Variants in BRAF observed in about 807,000 individuals in gnomAD.
The protein encoded by BRAF is B-Raf proto-oncogene, serine/threonine kinase, also known as serine/threonine-protein kinase B-raf.
In BRAF, 16 loss-of-function variants were observed where a neutral mutation model predicts 104.6. The ratio of observed to expected loss-of-function variants is 0.15; its 90% CI spans 0.10 to 0.23. BRAF has a LOEUF of 0.23. Among genes scored for constraint, BRAF ranks in the 10% least tolerant of loss-of-function variants. BRAF has a pLI of 1.00. For synonymous variants in BRAF, 310 were observed against 341.6 expected (o/e 0.91, Z 1.02); for missense variants, 541 against 937.3 (o/e 0.58, Z 5.52).
At chr7:140,733,400 T>C (rs1006771858) in intron 19 of BRAF, 4 of 152,222 alleles carry the variant, frequency 2.6e-5, no homozygotes, top group Non-Finnish European at 5.9e-5. Flanking sequence ...AGGCTGACAG[T>C]GAAGCAGAGA....
At chr7:140,824,340 G>A (rs137857022) in intron 3 of BRAF, 1 of 152,128 alleles carries the variant, frequency 6.6e-6, no homozygotes, top group African/African-American at 2.4e-5. Flanking sequence ...TATAAGGGAA[G>A]GGTACCACTT....
chr7:140,893,192 T>C (rs1225333404), intron 1 of BRAF, among the ~76,000 whole-genome samples: 1 of 151,668 alleles, frequency 6.6e-6, no homozygotes, highest in African/African-American at 2.4e-5. Flanking sequence ...TGAGACAAGA[T>C]GTCTGAGAAA....
intron 19 of BRAF, among the ~76,000 whole-genome samples, chr7:140,729,741 G>C (rs1795830598): frequency 6.6e-6 from 1 of 152,116 alleles, no homozygotes; most frequent in Non-Finnish European, 1.5e-5. Context: ...TCACACCACT[G>C]CACTCCAGCC....
At position 140,725,220 on chromosome 7, in the gene BRAF, G is replaced by A. The variant is rs1795533632; in HGVS notation, c.*1274C>T. On this transcript the variant is annotated 3_prime_UTR_variant, in exon 20 of 20. Transcript: ENST00000644969. ...AAAGAAGATGTGGGATATAGTGTTAGGAATCAGTTGGAAGAAACAATGAGA... is the reference window on the plus strand; with the variant it reads ...AAAGAAGATGTGGGATATAGTGTTAAGAATCAGTTGGAAGAAACAATGAGA... 6 of 1,043,268 alleles carry A rather than the reference G, an allele frequency of 5.8e-6. No individual in the cohort carries two copies. The highest frequency in any genetic ancestry group is 6.9e-6 in the Non-Finnish European group (6 of 865,056). The allele number at this position is 1,043,268 out of a possible 1,614,324, so 64.6% of individuals were successfully genotyped here. A position where few individuals can be genotyped will look rare whatever the true frequency, so the allele number is the denominator to read the frequency against.
Position 140,924,771 on chromosome 7 carries a change from T to TGGGGGA in BRAF, c.-74_-69dup, listed in dbSNP as rs1303739166. 1.8e-5 allele frequency: 10 copies of TGGGGGA among 569,184 alleles called. No individual in the cohort carries two copies. Among genetic ancestry groups the TGGGGGA allele is most frequent in the Non-Finnish European group, 2.7e-5 (9 of 330,284 alleles). 35.3% of individuals were successfully genotyped at this position (569,184 alleles called of 1,614,324 possible). On this transcript the variant is annotated 5_prime_UTR_variant, in exon 1 of 20. Coordinates refer to ENST00000644969, the MANE Select transcript of BRAF (RefSeq NM_001374258.1). This position sits in a 1 kb window ranked among gnomAD's most constrained non-coding sequence, Gnocchi z 4.2. ...GGGAGGGGGAAGGGAGGCGGAGAGC[T>TGGGGGA]GGGGGAGGCGGAGGCGGAGGCGGAG... is the stretch of plus-strand genomic sequence containing the variant.
intron 17 of BRAF, chr7:140,740,770 T>C (rs1157869272): frequency 1.3e-5 from 2 of 152,268 alleles, no homozygotes; most frequent in African/African-American, 4.8e-5. Flanking sequence ...GCTTGATACA[T>C]TGTGTTATTT....
At position 140,821,294 on chromosome 7, in the gene BRAF, ATTTTTT is replaced by A. The variant is rs58690200; in HGVS notation, c.505-12305_505-12300del. Among the ~76,000 whole-genome samples the A allele has an allele frequency of 2.0e-4, 15 of 73,934 alleles. No individual in the cohort carries two copies. In the South Asian group the frequency reaches 2.6e-3, roughly 13 times the overall value. The allele number at this position is 73,934 out of a possible 152,430, so 48.5% of individuals were successfully genotyped here. On this transcript the variant is annotated intron_variant, in intron 3 of 19. Transcript: ENST00000644969. ...CCACTACACCCAGCGTCTGAATTAC[ATTTTTT>A]TTTTTTTTTTTTTTTTTGAGACAGA...
intron 1 of BRAF, among the ~76,000 whole-genome samples, chr7:140,898,597 C>T (rs1815228449): frequency 1.3e-5 from 2 of 152,098 alleles, no homozygotes; most frequent in South Asian, 4.1e-4. Context: ...TGCAAAACAT[C>T]GTTCCATTAA....
chr7:140,789,918 TG>T (rs979786464), intron 8 of BRAF, among the ~76,000 whole-genome samples: 1 of 152,088 alleles, frequency 6.6e-6, no homozygotes, highest in Non-Finnish European at 1.5e-5. Flanking sequence ...TTGGTAGAGA[TG>T]GGGTTTCATC....
intron 1 of BRAF, among the ~76,000 whole-genome samples, chr7:140,871,680 A>C (rs549470696): frequency 2.6e-5 from 4 of 152,348 alleles, no homozygotes; most frequent in African/African-American, 7.2e-5. Flanking sequence ...TTGAAGCCAA[A>C]AAGTATAAGG....
At chr7:140,884,654 AT>A (rs1435601322) in intron 1 of BRAF, among the ~76,000 whole-genome samples, 1 of 151,662 alleles carries the variant, frequency 6.6e-6, no homozygotes, top group Admixed American at 6.6e-5. Context: ...TAATTTTTAA[AT>A]TTTTTTGTAG....
At chr7:140,892,869 G>C (rs750296732) in intron 1 of BRAF, among the ~76,000 whole-genome samples, 1 of 152,168 alleles carries the variant, frequency 6.6e-6, no homozygotes, top group African/African-American at 2.4e-5. Context: ...GGAGAGAACT[G>C]ATCACTTTTA....
chr7:140,815,267 A>G (rs929333651), intron 3 of BRAF, among the ~76,000 whole-genome samples: 1 of 151,246 alleles, frequency 6.6e-6, no homozygotes, highest in Non-Finnish European at 1.5e-5. Context: ...CCTCCTGAGT[A>G]GCTGGGACTA....
chr7:140,912,338 G>A (rs1181031449), intron 1 of BRAF, among the ~76,000 whole-genome samples: 1 of 152,038 alleles, frequency 6.6e-6, no homozygotes, highest in African/African-American at 2.4e-5. Flanking sequence ...CACCAATCAC[G>A]TCGACCTTCC....
At chr7:140,735,315 G>GT (rs1796314676) in intron 18 of BRAF, among the ~76,000 whole-genome samples, 1 of 152,174 alleles carries the variant, frequency 6.6e-6, no homozygotes, top group African/African-American at 2.4e-5. Context: ...AGTGACAGGG[G>GT]ACAACCCAAG....
In BRAF at chr7:140,924,717, G is replaced by A; in HGVS notation, c.-14C>T. 1.1e-6 allele frequency: 1 copy of A among 908,910 alleles called. No individual in the cohort carries two copies. The allele number at this position is 908,910 out of a possible 1,614,324, so 56.3% of individuals were successfully genotyped here. A position where few individuals can be genotyped will look rare whatever the true frequency, so the allele number is the denominator to read the frequency against. On this transcript the variant is annotated 5_prime_UTR_variant, in exon 1 of 20. Coordinates refer to ENST00000644969, the MANE Select transcript of BRAF (RefSeq NM_001374258.1). The surrounding 1 kb of genome is among the most constrained non-coding windows in gnomAD (Gnocchi z 4.2). The stretch of plus-strand genomic sequence containing the variant: ...CAGCGCCGCCATCTTATAACCGAGA[G>A]CCGGGGCCCGAGCGGCCGCTGTCGG...
intron 14 of BRAF, among the ~76,000 whole-genome samples, chr7:140,759,653 T>C (rs770136476): frequency 7.2e-5 from 11 of 152,242 alleles, no homozygotes; most frequent in Non-Finnish European, 1.5e-4. Flanking sequence ...CCCAAACTGC[T>C]GGGATTAGAG....
chr7:140,830,284 A>G (rs1806581303), intron 3 of BRAF, among the ~76,000 whole-genome samples: 1 of 152,090 alleles, frequency 6.6e-6, no homozygotes, highest in East Asian at 1.9e-4. Context: ...GTGTGGACTT[A>G]CTCCTGTACA....
Position 140,776,979 on chromosome 7 carries a change from T to C in BRAF, c.1747A>G (p.Ile583Val), listed in dbSNP as rs551111837. 4 of 1,613,386 alleles carry C rather than the reference T, an allele frequency of 2.5e-6. No individual in the cohort carries two copies. The highest frequency in any genetic ancestry group is 3.4e-6 in the Non-Finnish European group (4 of 1,179,520). Residue 583 changes from isoleucine to valine, a missense_variant, in exon 14 of 20, where the codon ATC becomes GTC. Coordinates refer to ENST00000644969, the MANE Select transcript of BRAF (RefSeq NM_001374258.1). Reference sequence around the variant, plus strand: ...ATCATCTCAAATTTGGTCTCAATGATATGGAGATGGTGATACAAGCTGGAG... The same window carrying C: ...ATCATCTCAAATTTGGTCTCAATGACATGGAGATGGTGATACAAGCTGGAG... ...EGSSLYHHLH[I>V]IETKFEMIKL...
Sources: gnomAD v4.1 joint callset for allele counts (sites outside exome capture counted in the v4.1 genomes callset) on GRCh38, gnomAD v4.1.1 for gene constraint, Gnocchi (gnomAD v3.1) non-coding constraint, MANE v1.5 for transcripts, NCBI Gene and HGNC (gene_info 2026-07-23, HGNC 2026-07-21) for gene names.